The following BRAF variants were observed in gnomAD, a reference collection of about 807,000 sequenced individuals.
BRAF encodes serine/threonine-protein kinase B-raf.
BRAF carries 16 observed loss-of-function variants against 104.6 expected under a neutral mutation model. The ratio of observed to expected loss-of-function variants is 0.15; its 90% confidence interval spans 0.10 to 0.23. The LOEUF (loss-of-function observed/expected upper bound fraction) is 0.23. BRAF is among the 10% of genes least tolerant of loss of function. The pLI is 1.00. For missense variants in BRAF, 541 were observed against 937.3 expected (o/e 0.58, Z 5.52); for synonymous variants, 310 against 341.6 (o/e 0.91, Z 1.02).
intron 9 of BRAF, among the ~76,000 whole-genome samples, chr7:140,787,105 T>A (rs1455783652): frequency 1.3e-5 from 2 of 151,826 alleles, no homozygotes; most frequent in Admixed American, 6.6e-5. Context: ...ATCGAGACCA[T>A]CCTGGCTAAC....
chr7:140,853,626 A>G (rs1228721652), intron 1 of BRAF, among the ~76,000 whole-genome samples: 2 of 152,134 alleles, frequency 1.3e-5, no homozygotes, highest in East Asian at 1.9e-4. Flanking sequence ...AGATTTCTAT[A>G]AAGTTTGCTG....
chr7:140,876,125 T>G (rs1812226294), intron 1 of BRAF, among the ~76,000 whole-genome samples: 1 of 152,172 alleles, frequency 6.6e-6, no homozygotes, highest in Non-Finnish European at 1.5e-5. Context: ...AGCTTTCAAT[T>G]AATAGAAACG....
At chr7:140,917,094 T>C (rs1236320554) in intron 1 of BRAF, among the ~76,000 whole-genome samples, 1 of 152,242 alleles carries the variant, frequency 6.6e-6, no homozygotes, top group Admixed American at 6.5e-5. Context: ...CCTTAACCAC[T>C]GCTTCACAAT....
At chr7:140,837,896 C>T (rs753739584) in intron 2 of BRAF, among the ~76,000 whole-genome samples, 1 of 152,102 alleles carries the variant, frequency 6.6e-6, no homozygotes, top group Admixed American at 6.5e-5. Context: ...CACATCTTTC[C>T]CCATTCTTCT....
intron 7 of BRAF, among the ~76,000 whole-genome samples, chr7:140,795,951 A>C (rs968387782): frequency 1.3e-5 from 2 of 152,208 alleles, no homozygotes; most frequent in Admixed American, 1.3e-4. Flanking sequence ...ATATGTCTAT[A>C]GCTAGAAAAT....
intron 1 of BRAF, among the ~76,000 whole-genome samples, chr7:140,888,217 T>G (rs367783748): frequency 2.0e-5 from 3 of 152,286 alleles, no homozygotes; most frequent in South Asian, 4.1e-4. Flanking sequence ...AGGGTTAGTA[T>G]CAGAGATGTG....
At chr7:140,770,963 G>A (rs947056163) in intron 14 of BRAF, among the ~76,000 whole-genome samples, 7 of 148,966 alleles carry the variant, frequency 4.7e-5, no homozygotes, top group African/African-American at 9.8e-5. Context: ...AAAAGAAGAT[G>A]ATAAAACATA....
At chr7:140,715,820 A>G (rs1309539809), downstream of BRAF, among the ~76,000 whole-genome samples, 1 of 152,254 alleles carries the variant, frequency 6.6e-6, no homozygotes, top group Non-Finnish European at 1.5e-5. Context: ...TGGGCCAGGC[A>G]CTGTTGTTAG....
Position 140,734,278 on chromosome 7 carries a change from T to C in BRAF, c.2401+339A>G, listed in dbSNP as rs564997118. 139 of 1,225,228 alleles carry C rather than the reference T, an allele frequency of 1.1e-4. No homozygotes were observed. Among genetic ancestry groups the C allele is most frequent in the Non-Finnish European group, 1.4e-4 (133 of 972,592 alleles). The allele number at this position is 1,225,228 out of a possible 1,614,324, so 75.9% of individuals were successfully genotyped here. A position where few individuals can be genotyped will look rare whatever the true frequency, so the allele number is the denominator to read the frequency against. The stretch of plus-strand genomic sequence containing the variant: ...GACATGTGATAGCTGGCAACAAAAG[T>C]TGCATGAGAAACTGAAGTTTACTAC... On this transcript the variant is annotated intron_variant, in intron 19 of 19. Transcript: ENST00000644969.
In BRAF at chr7:140,722,979, T is replaced by G. The variant is rs1387641677; in HGVS notation, c.*3515A>C. Reference sequence around the variant, plus strand: ...CAAAATGAGAGTGCTCAAATACAAGTACACAAAAAAGTTAAAATCTTAAAT... The same window carrying G: ...CAAAATGAGAGTGCTCAAATACAAGGACACAAAAAAGTTAAAATCTTAAAT... On this transcript the variant is annotated 3_prime_UTR_variant, in exon 20 of 20. Coordinates refer to ENST00000644969, the MANE Select transcript of BRAF (RefSeq NM_001374258.1). The G allele has an allele frequency of 1.9e-6, 2 of 1,054,034 alleles. No homozygotes were observed. Among genetic ancestry groups the G allele is most frequent in the South Asian group, 9.1e-5 (2 of 21,898 alleles). 65.3% of individuals were successfully genotyped at this position (1,054,034 alleles called of 1,614,324 possible).
At chr7:140,760,779 A>C (rs895514289) in intron 14 of BRAF, among the ~76,000 whole-genome samples, 3 of 152,292 alleles carry the variant, frequency 2.0e-5, no homozygotes, top group African/African-American at 7.2e-5. Context: ...AACTGGAAGA[A>C]AGGGTATCAG....
At position 140,724,470 on chromosome 7, in the gene BRAF, A is replaced by G. The variant is rs1229669740; in HGVS notation, c.*2024T>C. Reference sequence around the variant, plus strand: ...AGCGTGAATTATTTCCACCTTTGCAATTTCTGAATTTTGTAAGACACTGCC... The same window carrying G: ...AGCGTGAATTATTTCCACCTTTGCAGTTTCTGAATTTTGTAAGACACTGCC... On this transcript the variant is annotated 3_prime_UTR_variant, in exon 20 of 20. Transcript: ENST00000644969. 53 of 1,053,518 alleles carry G rather than the reference A, an allele frequency of 5.0e-5. No individual in the cohort carries two copies. The highest frequency in any genetic ancestry group is 5.6e-5 in the Non-Finnish European group (49 of 872,068). The allele number at this position is 1,053,518 out of a possible 1,614,324, so 65.3% of individuals were successfully genotyped here.
At chr7:140,851,612 T>C (rs1809166271) in intron 1 of BRAF, among the ~76,000 whole-genome samples, 1 of 152,160 alleles carries the variant, frequency 6.6e-6, no homozygotes. Flanking sequence ...GATTCCAGGA[T>C]TGAAGGATAT....
At chr7:140,734,024 AACTT>A (rs1280784399) in intron 19 of BRAF, 1 of 1,037,964 alleles carries the variant, frequency 9.6e-7, no homozygotes, top group African/African-American at 1.7e-5. Context: ...TATAAAAAGA[AACTT>A]AGTTTATTGC....
intron 1 of BRAF, among the ~76,000 whole-genome samples, chr7:140,870,777 C>G (rs1811489176): frequency 6.6e-6 from 1 of 151,290 alleles, no homozygotes. Flanking sequence ...ACTCCCTAGG[C>G]AGTAATTCTG....
At chr7:140,826,688 T>C (rs1806089503) in intron 3 of BRAF, among the ~76,000 whole-genome samples, 1 of 152,172 alleles carries the variant, frequency 6.6e-6, no homozygotes, top group Non-Finnish European at 1.5e-5. Context: ...ATAAGTTCCA[T>C]CTCAAAAAAG....
chr7:140,731,771 G>C (rs1795982660), intron 19 of BRAF: 1 of 152,156 alleles, frequency 6.6e-6, no homozygotes, highest in African/African-American at 2.4e-5. Flanking sequence ...CTGTGATCCT[G>C]AAACTATTTA....
intron 1 of BRAF, among the ~76,000 whole-genome samples, chr7:140,906,911 T>C (rs1176310285): frequency 6.6e-6 from 1 of 151,924 alleles, no homozygotes; most frequent in Non-Finnish European, 1.5e-5. Context: ...TCTATTTATA[T>C]TGCTAGAAAT....
At chr7:140,923,814 A>C (rs2129151961) in intron 1 of BRAF, among the ~76,000 whole-genome samples, 1 of 152,278 alleles carries the variant, frequency 6.6e-6, no homozygotes, top group African/African-American at 2.4e-5. Context: ...AATGCTCTTA[A>C]GTGGGAGCTG....
Sources: gnomAD v4.1 joint callset for allele counts (sites outside exome capture counted in the v4.1 genomes callset) on GRCh38, gnomAD v4.1.1 for gene constraint, MANE v1.5 for transcripts, NCBI Gene and HGNC (gene_info 2026-07-23, HGNC 2026-07-21) for gene names.